The following AAK1 variants were observed in gnomAD, a reference collection of about 807,000 sequenced individuals.
AAK1 encodes the protein AP2-associated protein kinase 1.
AAK1 carries 37 observed loss-of-function variants against 116.0 expected under a neutral mutation model. The ratio of observed to expected loss-of-function variants is 0.32; its 90% CI spans 0.25 to 0.42. The LOEUF (loss-of-function observed/expected upper bound fraction) is 0.42, where lower values mean the gene tolerates loss of function less well. AAK1 is among the 10% of genes least tolerant of loss of function. AAK1 has a pLI of 1.00. For synonymous variants in AAK1, 458 were observed against 439.9 expected (o/e 1.04, Z -0.51); for missense variants, 919 against 1,170.6 (o/e 0.79, Z 3.14).
rs1674554149 is a variant in AAK1 at position 69,468,285 on chromosome 2, T to G, written c.*7584A>C. 1 of 985,212 alleles carries G rather than the reference T, an allele frequency of 1.0e-6. No homozygotes were observed. The highest frequency in any genetic ancestry group is 1.7e-5 in the African/African-American group (1 of 57,208). 61.0% of individuals were successfully genotyped at this position (985,212 alleles called of 1,614,324 possible). A position where few individuals can be genotyped will look rare whatever the true frequency, so the allele number is the denominator to read the frequency against. On this transcript the variant is annotated 3_prime_UTR_variant, in exon 22 of 22. Transcript: ENST00000409085. ...GGCAAGTAAATTGATATTAGATTTGTCTCAGTGATACCAAGATGATAATTT... is the reference window on the plus strand; with the variant it reads ...GGCAAGTAAATTGATATTAGATTTGGCTCAGTGATACCAAGATGATAATTT...
At chr2:69,591,633 C>T (rs1673038459) in intron 2 of AAK1, among the ~76,000 whole-genome samples, 1 of 149,106 alleles carries the variant, frequency 6.7e-6, no homozygotes, top group African/African-American at 2.5e-5. Context: ...TGCAGTGGCG[C>T]AATCTCGGCT....
At chr2:69,498,699 G>C (rs1205963069) in intron 16 of AAK1, among the ~76,000 whole-genome samples, 2 of 152,248 alleles carry the variant, frequency 1.3e-5, no homozygotes, top group South Asian at 4.1e-4. Flanking sequence ...AGGTGGGATT[G>C]CTGGATGGAC....
rs577859014 is a variant in AAK1 at position 69,470,893 on chromosome 2, G to A, written c.*4976C>T. 14 of 985,802 alleles carry A rather than the reference G, an allele frequency of 1.4e-5. 1 individual carries two copies. In the South Asian group the frequency reaches 6.1e-4, roughly 43 times the overall value. 61.1% of individuals were successfully genotyped at this position (985,802 alleles called of 1,614,324 possible). On this transcript the variant is annotated 3_prime_UTR_variant, in exon 22 of 22. Coordinates refer to ENST00000409085, the MANE Select transcript of AAK1 (RefSeq NM_014911.5). Reference sequence around the variant, plus strand: ...TCAGGAAAAGAGCAACTTATTTTAAGTTATTTACATCTCTAAACATCATGC... The same window carrying A: ...TCAGGAAAAGAGCAACTTATTTTAAATTATTTACATCTCTAAACATCATGC...
intron 2 of AAK1, among the ~76,000 whole-genome samples, chr2:69,623,440 C>T (rs1674756300): frequency 6.6e-6 from 1 of 152,112 alleles, no homozygotes; most frequent in Admixed American, 6.5e-5. Flanking sequence ...TCGTAGATGC[C>T]CTTCCTCCAG....
intron 2 of AAK1, among the ~76,000 whole-genome samples, chr2:69,603,284 T>A (rs1397576370): frequency 6.6e-6 from 1 of 152,204 alleles, no homozygotes. Context: ...GAATAGAGTT[T>A]CCTCACAGTC....
intron 10 of AAK1, among the ~76,000 whole-genome samples, chr2:69,524,197 T>C (rs1187473665): frequency 6.6e-6 from 1 of 152,056 alleles, no homozygotes; most frequent in African/African-American, 2.4e-5. Flanking sequence ...AGTGTTAGGG[T>C]GGTGAATGCA....
rs1049224462 is a variant in AAK1, at chr2:69,482,753, G to A, written c.2425C>T (p.Pro809Ser). ...GTGCTACCAAAAGGATCTGTCATAG[G>A]CAAGAGGTCAGGGAGCAGAAGAGAA... ...DTSLLLPDLL[P>S]MTDPFGSTSD... The change falls in exon 18 of 22, where the codon CCT becomes TCT. Residue 809 changes from proline to serine, a missense_variant. By Grantham distance (74) the Pro-to-Ser change is moderately conservative. This residue lies in a region of AAK1 where 263 missense variants were observed against 285.5 expected (regional missense o/e 0.92). Coordinates refer to ENST00000409085, the MANE Select transcript of AAK1 (RefSeq NM_014911.5). 1 of 1,613,750 alleles carries A rather than the reference G, an allele frequency of 6.2e-7. No individual in the cohort carries two copies. The highest frequency in any genetic ancestry group is 8.5e-7 in the Non-Finnish European group (1 of 1,179,658).
Position 69,507,544 on chromosome 2 carries a change from T to C in AAK1, c.2041A>G (p.Thr681Ala), listed in dbSNP as rs780460124. 1 of 1,612,106 alleles carries C rather than the reference T, an allele frequency of 6.2e-7. No individual in the cohort carries two copies. The highest frequency in any genetic ancestry group is 1.1e-5 in the South Asian group (1 of 90,554). The change falls in exon 15 of 22, where the codon ACC becomes GCC. Residue 681 changes from threonine (T) to alanine (A), a missense_variant. By Grantham distance (58) the Thr-to-Ala change is moderately conservative (BLOSUM62 0). Transcript: ENST00000409085. ...ATTTPSGSPR[T>A]SQQNVYNPSE... ...GGATTATAAACGTTTTGTTGAGAGG[T>C]CCGAGGAGAGCCTGATGGAGTGGTG...
intron 17 of AAK1, among the ~76,000 whole-genome samples, chr2:69,492,129 AC>A (rs1558905931): frequency 6.6e-6 from 1 of 152,170 alleles, no homozygotes; most frequent in East Asian, 1.9e-4. Flanking sequence ...GATCAAAGGT[AC>A]TTGTACGTGA....
At chr2:69,540,989 AAGTC>A (rs903854629) in intron 5 of AAK1, among the ~76,000 whole-genome samples, 3 of 152,204 alleles carry the variant, frequency 2.0e-5, no homozygotes, top group African/African-American at 4.8e-5. Context: ...CTAAGTGAAA[AAGTC>A]AGACAGAAGG....
intron 16 of AAK1, chr2:69,499,824 G>T (rs1344227790): frequency 1.3e-5 from 2 of 152,154 alleles, no homozygotes; most frequent in East Asian, 3.8e-4. Flanking sequence ...TAAAATTCTA[G>T]ATACAAATAC....
At chr2:69,607,148 G>C (rs1341687923) in intron 2 of AAK1, among the ~76,000 whole-genome samples, 1 of 151,936 alleles carries the variant, frequency 6.6e-6, no homozygotes, top group Non-Finnish European at 1.5e-5. Flanking sequence ...GGGGGAAGAG[G>C]GTGAAGAATT....
At chr2:69,559,867 T>C (rs1035476405) in intron 2 of AAK1, among the ~76,000 whole-genome samples, 2 of 152,230 alleles carry the variant, frequency 1.3e-5, no homozygotes, top group Non-Finnish European at 2.9e-5. Context: ...CAATTTGAGA[T>C]AACTACCACC....
intron 15 of AAK1, among the ~76,000 whole-genome samples, chr2:69,506,628 G>A (rs1232887680): frequency 1.3e-5 from 2 of 152,148 alleles, no homozygotes; most frequent in Non-Finnish European, 2.9e-5. Flanking sequence ...GCCTCCCAAA[G>A]TACTGGGTTA....
chr2:69,555,646 T>C (rs1031427610), intron 3 of AAK1, among the ~76,000 whole-genome samples: 11 of 152,216 alleles, frequency 7.2e-5, no homozygotes, highest in Admixed American at 3.3e-4. Flanking sequence ...CCAAAGTTTA[T>C]TAAGCATTTA....
intron 2 of AAK1, 59 bp from the exon 3 acceptor site, chr2:69,557,037 A>T (rs1439868623): frequency 7.4e-7 from 1 of 1,355,506 alleles, no homozygotes; most frequent in Non-Finnish European, 1.0e-6. Flanking sequence ...CAGCCACATA[A>T]CTGTGGTGGC....
chr2:69,592,051 T>C (rs924942587), intron 2 of AAK1, among the ~76,000 whole-genome samples: 40 of 152,264 alleles, frequency 2.6e-4, no homozygotes, highest in Non-Finnish European at 5.9e-5. Context: ...AATGAGGAAG[T>C]GAAGCAGAAG....
chr2:69,528,813 CATAA>C (rs1223160231), intron 8 of AAK1, among the ~76,000 whole-genome samples: 1 of 152,118 alleles, frequency 6.6e-6, no homozygotes, highest in Admixed American at 6.5e-5. Flanking sequence ...GAATTTACTG[CATAA>C]ATGTTTTAAA....
rs1675810074 is a variant in AAK1 at position 69,642,952 on chromosome 2, A to G, written c.89T>C (p.Leu30Pro). The G allele has an allele frequency of 2.5e-6, 4 of 1,613,662 alleles. No individual in the cohort carries two copies. In the African/African-American group the frequency reaches 4.0e-5, roughly 16 times the overall value. Residue 30 changes from leucine (L) to proline (P), a missense_variant, in exon 2 of 22, where the codon CTG becomes CCG. By Grantham distance (98) the Leu-to-Pro change is moderately conservative. Coordinates refer to ENST00000409085, the MANE Select transcript of AAK1 (RefSeq NM_014911.5). ...GACTCTTCCGATGTAGCCACTGCCC[A>G]GGCCCGAGGTGCTGCCCCCTCCTCC... is the stretch of plus-strand genomic sequence containing the variant. ...SSGGGGSTSG[L>P]GSGYIGRVFG...
Sources: allele counts gnomAD v4.1 joint callset (sites outside exome capture counted in the v4.1 genomes callset), GRCh38; gene constraint gnomAD v4.1.1; regional missense constraint gnomAD v4.1.1; transcripts MANE v1.5; gene names NCBI Gene and HGNC (gene_info 2026-07-23, HGNC 2026-07-21).